The following COG6 variants were observed in gnomAD, a reference collection of about 807,000 sequenced individuals.
COG6 encodes the protein conserved oligomeric Golgi complex subunit 6.
A neutral mutation model predicts 88.8 loss-of-function variants in COG6; 74 were observed. That is an observed-to-expected ratio of 0.83 (90% CI 0.69 to 1.01). COG6 has a LOEUF of 1.01. COG6 is among the 50% of genes least tolerant of loss of function. The pLI is 0.00. For synonymous variants in COG6, 286 were observed against 278.7 expected, an observed-to-expected ratio of 1.03 and a Z score of -0.26; for missense variants, 800 against 797.9, an observed-to-expected ratio of 1.00 and a Z score of -0.03.
At chr13:39,769,414 C>T (rs573936115) in intron 18 of COG6, among the ~76,000 whole-genome samples, 12 of 152,232 alleles carry the variant, frequency 7.9e-5, no homozygotes, top group African/African-American at 2.9e-4. Context: ...AAATGAATTC[C>T]AGCTGTTGGC....
intron 2 of COG6, among the ~76,000 whole-genome samples, chr13:39,660,296 C>T (rs79530521): frequency 0.059 from 9,012 of 152,144 alleles, 381 homozygotes; most frequent in Non-Finnish European, 0.095. Flanking sequence ...CCTGGGCTCA[C>T]GCAATTCTCC....
chr13:39,687,728 C>A lies in COG6; in HGVS notation c.938C>A (p.Ala313Asp), dbSNP rs777628159. 1.2e-6 allele frequency: 2 copies of A among 1,613,998 alleles called. No individual in the cohort carries two copies. Among genetic ancestry groups the A allele is most frequent in the Non-Finnish European group, 1.7e-6 (2 of 1,179,926 alleles). Residue 313 changes from alanine (A) to aspartate (D), a missense_variant, in exon 10 of 19, where the codon GCT (alanine) becomes GAT (aspartate). Transcript: ENST00000455146. ...ATTAGGTATGTAGGAGATATGTTGG[C>A]TTGGCTCCATCAAGCTACTGCTTCT... ...DPLRYVGDML[A>D]WLHQATASEK...
chr13:39,733,131 G>C (rs1879543511), intron 18 of COG6, among the ~76,000 whole-genome samples: 1 of 150,732 alleles, frequency 6.6e-6, no homozygotes. Context: ...AACGAAAGTA[G>C]AGAAGGTTTA....
At chr13:39,701,123 C>T (rs1877554358) in intron 13 of COG6, among the ~76,000 whole-genome samples, 2 of 151,724 alleles carry the variant, frequency 1.3e-5, no homozygotes, top group Non-Finnish European at 2.9e-5. Flanking sequence ...AAGGGAAAGA[C>T]TCTGGGAATA....
At chr13:39,677,351 T>C in intron 4 of COG6, 117 bp from the exon 5 acceptor site, 2 of 686,566 alleles carry the variant, frequency 2.9e-6, no homozygotes, top group Non-Finnish European at 5.2e-6. Context: ...TTTGAAAATA[T>C]TGAGAACTTT....
At chr13:39,682,584 A>G (rs1304422080) in intron 8 of COG6, 2 of 278,142 alleles carry the variant, frequency 7.2e-6, no homozygotes, top group Non-Finnish European at 1.4e-5. Context: ...AAACTCCTGT[A>G]TGAATACTTC....
At chr13:39,783,854 T>C (rs535713435) in intron 18 of COG6, among the ~76,000 whole-genome samples, 1 of 152,316 alleles carries the variant, frequency 6.6e-6, no homozygotes, top group South Asian at 2.1e-4. Flanking sequence ...CAACTTGAGT[T>C]TACCGAGGGC....
At chr13:39,724,091 A>G (rs1878998628) in intron 16 of COG6, among the ~76,000 whole-genome samples, 1 of 152,072 alleles carries the variant, frequency 6.6e-6, no homozygotes, top group African/African-American at 2.4e-5. Flanking sequence ...AAGCTCTTAA[A>G]ACACAACTTT....
chr13:39,679,482 AAATAATGC>A (rs1876177054), intron 5 of COG6, 48 bp from the exon 6 acceptor site: 1 of 986,288 alleles, frequency 1.0e-6, no homozygotes, highest in South Asian at 1.3e-5. Flanking sequence ...TTTCAGTTTT[AAATAATGC>A]AATTTTGCCT....
At chr13:39,656,096 G>T in intron 1 of COG6, 1 of 692,274 alleles carries the variant, frequency 1.4e-6, no homozygotes, top group South Asian at 1.5e-5. Flanking sequence ...GGTTTCCTGG[G>T]TGTTCTCTCC....
intron 18 of COG6, among the ~76,000 whole-genome samples, chr13:39,748,190 T>C (rs980806571): frequency 6.6e-6 from 1 of 152,162 alleles, no homozygotes; most frequent in Non-Finnish European, 1.5e-5. Flanking sequence ...ATCAAATGTA[T>C]GTTATATCTA....
chr13:39,747,685 CTTTAT>C (rs769279488), intron 18 of COG6, among the ~76,000 whole-genome samples: 2 of 152,070 alleles, frequency 1.3e-5, no homozygotes, highest in African/African-American at 2.4e-5. Flanking sequence ...TGTGGTACTG[CTTTAT>C]TTTATCTATT....
exon 19 of COG6, chr13:39,790,791 A>C (rs1199839039): frequency 2.6e-5 from 4 of 151,966 alleles, no homozygotes; most frequent in Admixed American, 2.0e-4. Flanking sequence ...TAACGTTTTT[A>C]TATTAGGCTT....
chr13:39,668,966 AT>A (rs994985845), intron 4 of COG6, among the ~76,000 whole-genome samples: 1 of 152,072 alleles, frequency 6.6e-6, no homozygotes. Context: ...TGGTGTATTT[AT>A]TTTTATACAT....
chr13:39,682,076 G>T, intron 7 of COG6, 95 bp from the exon 8 acceptor site: 2 of 817,098 alleles, frequency 2.4e-6, no homozygotes, highest in Non-Finnish European at 4.2e-6. Context: ...TTTTTATGGG[G>T]TGTTTGCCAT....
chr13:39,656,213 A>G, intron 1 of COG6: 2 of 513,002 alleles, frequency 3.9e-6, no homozygotes, highest in South Asian at 1.5e-5. Context: ...GTGAGCTGGG[A>G]GAGTGGAGGA....
chr13:39,689,905 A>G, intron 11 of COG6, 81 bp downstream of exon 11: 2 of 836,466 alleles, frequency 2.4e-6, no homozygotes, highest in South Asian at 1.5e-5. Context: ...AGAAACTGAT[A>G]CCAGCTCAAA....
intron 18 of COG6, among the ~76,000 whole-genome samples, chr13:39,734,593 C>T (rs1163916720): frequency 1.3e-5 from 2 of 152,110 alleles, no homozygotes; most frequent in East Asian, 1.9e-4. Flanking sequence ...ATGAAATACT[C>T]TACAAATATT....
chr13:39,729,742 G>T (rs1384673154), intron 18 of COG6, among the ~76,000 whole-genome samples: 1 of 152,116 alleles, frequency 6.6e-6, no homozygotes, highest in East Asian at 1.9e-4. Context: ...GAGAAAGTGG[G>T]CATTTTCACA....
Sources: allele counts gnomAD v4.1 joint callset (sites outside exome capture counted in the v4.1 genomes callset), GRCh38; gene constraint gnomAD v4.1.1; transcripts MANE v1.5; gene names NCBI Gene and HGNC (gene_info 2026-07-23, HGNC 2026-07-21).